MX2: variants seen among roughly 807,000 people sequenced by gnomAD.
MX2 encodes the protein MX dynamin like GTPase 2.
In MX2, 51 loss-of-function variants were observed where a neutral mutation model predicts 74.0. The observed-to-expected ratio is 0.69, with a 90% confidence interval of 0.55 to 0.87. The LOEUF is 0.87. Among genes scored for constraint, MX2 ranks in the 40% least tolerant of loss-of-function variants. The pLI is 0.00. For missense variants in MX2, 832 were observed against 908.7 expected (o/e 0.92, Z 1.09); for synonymous variants, 369 against 339.3 (o/e 1.09, Z -0.96).
At chr21:41,398,146 C>G (rs1188929319) in intron 8 of MX2, among the ~76,000 whole-genome samples, 1 of 152,040 alleles carries the variant, frequency 6.6e-6, no homozygotes, top group Non-Finnish European at 1.5e-5. Flanking sequence ...TCCATCTCTA[C>G]TAAAAATACA....
At chr21:41,373,258 C>T (rs1309193187) in intron 1 of MX2, among the ~76,000 whole-genome samples, 7 of 152,156 alleles carry the variant, frequency 4.6e-5, no homozygotes, top group Non-Finnish European at 1.0e-4. Flanking sequence ...TCAGAGAGAG[C>T]AAGGAACCCA....
At position 41,390,459 on chromosome 21, in the gene MX2, T is replaced by C. The variant is rs543782726; in HGVS notation, c.733-106T>C. On this transcript the variant is annotated intron_variant, in intron 5 of 13. Coordinates refer to ENST00000330714, the MANE Select transcript of MX2 (RefSeq NM_002463.2). ...CCTAGCAAAGCCCAGAGTCACACTG[T>C]GGGACAATGTTGCCTTTGCGCCATC... is the stretch of plus-strand genomic sequence containing the variant. The C allele has an allele frequency of 9.4e-5, 141 of 1,499,068 alleles. No individual in the cohort carries two copies. The African/African-American group carries it at 1.6e-3, about 17-fold the overall frequency. 92.9% of individuals were successfully genotyped at this position (1,499,068 alleles called of 1,614,324 possible). A position where few individuals can be genotyped will look rare whatever the true frequency, so the allele number is the denominator to read the frequency against.
At chr21:41,406,618 C>T in intron 12 of MX2, 126 bp from the exon 13 acceptor site, 1 of 1,007,072 alleles carries the variant, frequency 9.9e-7, no homozygotes. Flanking sequence ...CATTTCAAGT[C>T]TCAGGACTTC....
Position 41,376,834 on chromosome 21 carries a change from A to G in MX2, c.-71-2A>G. ...GCCGCTCTCCCTCTTGTGTCTTTGC[A>G]GAGCTTGTCAGGAAGATCGGAGGTG... On this transcript the variant is annotated splice_acceptor_variant, in intron 1 of 13. Coordinates refer to ENST00000330714, the MANE Select transcript of MX2 (RefSeq NM_002463.2). LOFTEE classifies it low-confidence loss of function (5UTR_SPLICE). 2.5e-6 allele frequency: 4 copies of G among 1,582,170 alleles called. No homozygotes were observed. Among genetic ancestry groups the G allele is most frequent in the Non-Finnish European group, 8.6e-7 (1 of 1,163,972 alleles).
intron 1 of MX2, among the ~76,000 whole-genome samples, chr21:41,371,699 T>G (rs140766778): frequency 3.0e-3 from 451 of 152,260 alleles, no homozygotes; most frequent in African/African-American, 0.01. Context: ...GCCTATTATA[T>G]CCTCGACCTA....
At chr21:41,372,652 C>T (rs547390024) in intron 1 of MX2, among the ~76,000 whole-genome samples, 1 of 152,322 alleles carries the variant, frequency 6.6e-6, no homozygotes, top group South Asian at 2.1e-4. Flanking sequence ...TAATAAGTTA[C>T]TGATCCCTTA....
At chr21:41,396,851 G>A (rs555439990) in intron 7 of MX2, among the ~76,000 whole-genome samples, 15 of 152,326 alleles carry the variant, frequency 9.8e-5, no homozygotes, top group Non-Finnish European at 1.3e-4. Flanking sequence ...AGACTCTCTG[G>A]AGAGTTCCTT....
chr21:41,393,403 C>T (rs181397434), intron 6 of MX2, among the ~76,000 whole-genome samples: 1 of 152,328 alleles, frequency 6.6e-6, no homozygotes, highest in Non-Finnish European at 1.5e-5. Flanking sequence ...ACCCTCTGCA[C>T]TGAGGAGCAC....
At chr21:41,365,736 A>G (rs1311264819) in intron 1 of MX2, 4 of 152,324 alleles carry the variant, frequency 2.6e-5, no homozygotes, top group Middle Eastern at 3.4e-3. Context: ...TCCTTTGGGT[A>G]CATACGCTGT....
chr21:41,395,581 T>A lies in MX2; in HGVS notation c.872-6T>A. On this transcript the variant is annotated splice_region_variant and splice_polypyrimidine_tract_variant and intron_variant, in intron 6 of 13. Coordinates refer to ENST00000330714, the MANE Select transcript of MX2 (RefSeq NM_002463.2). ...TTTCCATTTCCCTTCTTTAACCATC[T>A]CACAGGTATCCTGACCAAACCAGAT... The A allele has an allele frequency of 3.7e-6, 6 of 1,613,866 alleles. No homozygotes were observed. Among genetic ancestry groups the A allele is most frequent in the Non-Finnish European group, 5.1e-6 (6 of 1,179,870 alleles).
At chr21:41,390,433 GC>G in intron 5 of MX2, 131 bp from the exon 6 acceptor site, 1 of 1,347,512 alleles carries the variant, frequency 7.4e-7, no homozygotes, top group East Asian at 2.3e-5. Context: ...ACGGGGCTCG[GC>G]CTAGCAAAGC....
At chr21:41,407,022 C>A (rs756866597) in intron 13 of MX2, 24 bp downstream of exon 13, 3 of 1,602,040 alleles carry the variant, frequency 1.9e-6, no homozygotes, top group Non-Finnish European at 2.6e-6. Context: ...GGGGCAGGAG[C>A]CGTGCTCTCT....
chr21:41,379,468 G>T (rs1024734922), intron 3 of MX2, among the ~76,000 whole-genome samples: 4 of 152,186 alleles, frequency 2.6e-5, no homozygotes, highest in African/African-American at 4.8e-5. Context: ...CCTCCTTCGG[G>T]ATGTCCGGCT....
chr21:41,408,516 T>G lies in MX2; in HGVS notation c.*283T>G, dbSNP rs1189922189. 5 of 381,196 alleles carry G rather than the reference T, an allele frequency of 1.3e-5. No homozygotes were observed. The highest frequency in any genetic ancestry group is 2.3e-5 in the Non-Finnish European group (5 of 212,810). 23.6% of individuals were successfully genotyped at this position (381,196 alleles called of 1,614,324 possible). On this transcript the variant is annotated 3_prime_UTR_variant, in exon 14 of 14. Coordinates refer to ENST00000330714, the MANE Select transcript of MX2 (RefSeq NM_002463.2). ...CTAAGATACTGCTATCATTCTTCGC[T>G]AATTTGTATTTGTATTCCCTTCCCC...
At position 41,363,088 on chromosome 21, in the gene MX2, C is replaced by T. The variant is rs1286871563; in HGVS notation, c.-72+1033C>T. Among the ~76,000 whole-genome samples, 2 of 152,092 alleles carry T rather than the reference C, an allele frequency of 1.3e-5. No individual in the cohort carries two copies. Among genetic ancestry groups the T allele is most frequent in the Non-Finnish European group, 2.9e-5 (2 of 68,020 alleles). On this transcript the variant is annotated intron_variant, in intron 1 of 13. Coordinates refer to ENST00000330714, the MANE Select transcript of MX2 (RefSeq NM_002463.2). The surrounding 1 kb of genome is among the most constrained non-coding windows in gnomAD (Gnocchi z 4.2). The stretch of plus-strand genomic sequence containing the variant: ...TGACACCTTTTGAACACTGTTCTTT[C>T]TCATTTTGTGTTTAGAATGTTGTCT...
chr21:41,401,858 G>C (rs997633456), intron 10 of MX2, 112 bp from the exon 11 acceptor site: 2 of 1,175,280 alleles, frequency 1.7e-6, no homozygotes, highest in Admixed American at 4.9e-5. Flanking sequence ...ACTCCACTTT[G>C]CAACATTGCC....
At chr21:41,399,446 C>T in intron 10 of MX2, 109 bp downstream of exon 10, 1 of 1,197,372 alleles carries the variant, frequency 8.4e-7, no homozygotes, top group South Asian at 1.5e-5. Flanking sequence ...CCATCCAAGA[C>T]CGTGGAACCC....
At chr21:41,390,432 G>A (rs982715202) in intron 5 of MX2, 133 bp from the exon 6 acceptor site, 57 of 1,328,576 alleles carry the variant, frequency 4.3e-5, no homozygotes, top group Middle Eastern at 2.0e-4. Context: ...GACGGGGCTC[G>A]GCCTAGCAAA....
At chr21:41,395,435 G>A (rs1455861980) in intron 6 of MX2, 152 bp from the exon 7 acceptor site, 6 of 643,076 alleles carry the variant, frequency 9.3e-6, no homozygotes, top group African/African-American at 1.8e-5. Flanking sequence ...AAGAAGAGGG[G>A]CAATGAGGGA....
Sources: allele counts gnomAD v4.1 joint callset (sites outside exome capture counted in the v4.1 genomes callset), GRCh38; gene constraint gnomAD v4.1.1; non-coding constraint Gnocchi (gnomAD v3.1); transcripts MANE v1.5; gene names NCBI Gene and HGNC (gene_info 2026-07-23, HGNC 2026-07-21).